Variants in SPAG16 observed in about 807,000 individuals in gnomAD.
The protein encoded by SPAG16 is sperm associated antigen 16.
Under a neutral mutation model 80.4 loss-of-function variants are expected in SPAG16, and 86 were observed. The observed-to-expected ratio is 1.07, with a 90% CI of 0.90 to 1.28. SPAG16 has a LOEUF of 1.28. Among genes scored for constraint, SPAG16 ranks in the 50% most tolerant of loss-of-function variants. The pLI, the probability that SPAG16 is intolerant of heterozygous loss-of-function variation, is 0.00. For synonymous variants in SPAG16, 294 were observed against 265.9 expected (o/e 1.11, Z -1.03); for missense variants, 870 against 765.3 (o/e 1.14, Z -1.61).
chr2:213,401,902 G>A (rs1353590530), intron 9 of SPAG16, among the ~76,000 whole-genome samples: 1 of 151,956 alleles, frequency 6.6e-6, no homozygotes, highest in African/African-American at 2.4e-5. Flanking sequence ...GCATGCACAT[G>A]TAATACAATC....
chr2:213,767,409 T>C (rs924867203), intron 10 of SPAG16, among the ~76,000 whole-genome samples: 2 of 152,154 alleles, frequency 1.3e-5, no homozygotes, highest in East Asian at 3.9e-4. Context: ...GGCTCACACC[T>C]GTAATCCTAG....
intron 13 of SPAG16, among the ~76,000 whole-genome samples, chr2:214,049,750 G>A (rs1279530989): frequency 6.6e-6 from 1 of 152,162 alleles, no homozygotes; most frequent in Non-Finnish European, 1.5e-5. Flanking sequence ...CAGCCCTGGG[G>A]ACTCCTGTGA....
In SPAG16 at chr2:213,829,210, G is replaced by A. The variant is rs576289911; in HGVS notation, c.1071-33275G>A. 1.8e-4 allele frequency among the ~76,000 whole-genome samples: 27 copies of A among 152,204 alleles called. 2 individuals are homozygous for A. Among genetic ancestry groups the A allele is most frequent in the African/African-American group, 4.8e-4 (20 of 41,540 alleles). Reference sequence around the variant, plus strand: ...AAACCTTAGAAATTTCCCTGAAACCGTAAGACAAAGTTCTTCCCACTTTTT... The same window carrying A: ...AAACCTTAGAAATTTCCCTGAAACCATAAGACAAAGTTCTTCCCACTTTTT... On this transcript the variant is annotated intron_variant, in intron 10 of 15. Coordinates refer to ENST00000331683, the MANE Select transcript of SPAG16 (RefSeq NM_024532.5).
intron 10 of SPAG16, among the ~76,000 whole-genome samples, chr2:213,509,607 C>T (rs2075137616): frequency 6.6e-6 from 1 of 152,090 alleles, no homozygotes; most frequent in Non-Finnish European, 1.5e-5. Flanking sequence ...TAAAGATGTT[C>T]TTTGAAACCA....
chr2:214,288,074 C>A (rs865862298), intron 15 of SPAG16, among the ~76,000 whole-genome samples: 1 of 152,088 alleles, frequency 6.6e-6, no homozygotes, highest in Non-Finnish European at 1.5e-5. Flanking sequence ...TACCGCCCCC[C>A]CCAATCCCAC....
intron 10 of SPAG16, among the ~76,000 whole-genome samples, chr2:213,514,725 C>T (rs918602961): frequency 6.7e-6 from 1 of 149,596 alleles, no homozygotes; most frequent in Admixed American, 6.8e-5. Flanking sequence ...TTTTAAAATT[C>T]TCAGAAATCT....
At chr2:213,428,025 G>T (rs545865102) in intron 9 of SPAG16, among the ~76,000 whole-genome samples, 2 of 152,186 alleles carry the variant, frequency 1.3e-5, no homozygotes, top group African/African-American at 2.4e-5. Flanking sequence ...TAATATAGAA[G>T]ATGGCAGAGT....
chr2:214,384,422 C>T (rs1035121479), intron 15 of SPAG16, among the ~76,000 whole-genome samples: 2 of 152,142 alleles, frequency 1.3e-5, no homozygotes, highest in Admixed American at 6.5e-5. Context: ...GAATGTACTA[C>T]CAATAATACC....
intron 10 of SPAG16, among the ~76,000 whole-genome samples, chr2:213,615,944 C>T (rs916244436): frequency 2.6e-5 from 4 of 151,960 alleles, no homozygotes; most frequent in African/African-American, 7.3e-5. Context: ...CTAATGTATG[C>T]GAGGCTTAAA....
chr2:213,556,456 A>G (rs932244310), intron 10 of SPAG16, among the ~76,000 whole-genome samples: 4 of 152,102 alleles, frequency 2.6e-5, no homozygotes, highest in African/African-American at 9.6e-5. Context: ...AGCTAAACTT[A>G]TATCAGATAC....
intron 15 of SPAG16, among the ~76,000 whole-genome samples, chr2:214,228,166 C>A (rs916835015): frequency 1.3e-5 from 2 of 151,902 alleles, no homozygotes; most frequent in Admixed American, 1.3e-4. Flanking sequence ...TGATTCAATC[C>A]TACTTTCCTT....
chr2:213,952,060 G>T (rs2079812540), intron 12 of SPAG16, among the ~76,000 whole-genome samples: 1 of 152,188 alleles, frequency 6.6e-6, no homozygotes, highest in South Asian at 2.1e-4. Flanking sequence ...GACAATCACT[G>T]AGGGATGATC....
At chr2:214,259,977 A>G (rs555996595) in intron 15 of SPAG16, among the ~76,000 whole-genome samples, 1 of 152,310 alleles carries the variant, frequency 6.6e-6, no homozygotes, top group East Asian at 1.9e-4. Flanking sequence ...TACTAAGATT[A>G]TGTAATTTTT....
intron 9 of SPAG16, among the ~76,000 whole-genome samples, chr2:213,488,297 A>T (rs1156393206): frequency 6.6e-6 from 1 of 152,198 alleles, no homozygotes; most frequent in Admixed American, 6.5e-5. Context: ...TAAATTGCAC[A>T]CAGTACTACA....
At chr2:213,574,352 T>C (rs981462287) in intron 10 of SPAG16, among the ~76,000 whole-genome samples, 3 of 152,060 alleles carry the variant, frequency 2.0e-5, no homozygotes, top group African/African-American at 7.2e-5. Context: ...TTATAGGAAA[T>C]TAAGGAGTAG....
intron 9 of SPAG16, among the ~76,000 whole-genome samples, chr2:213,377,602 ATGG>A (rs1172519720): frequency 6.6e-6 from 1 of 152,128 alleles, no homozygotes; most frequent in African/African-American, 2.4e-5. Flanking sequence ...AGGGGTTGTA[ATGG>A]TGGTGGTGTG....
intron 10 of SPAG16, among the ~76,000 whole-genome samples, chr2:213,849,473 TA>T (rs895110664): frequency 1.3e-5 from 2 of 152,276 alleles, no homozygotes; most frequent in East Asian, 1.9e-4. Flanking sequence ...ACTTCAATGA[TA>T]AAAAAATTAA....
chr2:213,700,633 G>A (rs1046595434), intron 10 of SPAG16, among the ~76,000 whole-genome samples: 2 of 152,072 alleles, frequency 1.3e-5, no homozygotes, highest in African/African-American at 4.8e-5. Flanking sequence ...TCACTTTGCA[G>A]AAATGATTTT....
At chr2:213,942,557 C>T (rs2079254293) in intron 12 of SPAG16, among the ~76,000 whole-genome samples, 1 of 152,110 alleles carries the variant, frequency 6.6e-6, no homozygotes, top group African/African-American at 2.4e-5. Flanking sequence ...TTACCTGGAG[C>T]TGGGTAGTCT....
Sources: allele counts gnomAD v4.1 joint callset (sites outside exome capture counted in the v4.1 genomes callset), GRCh38; gene constraint gnomAD v4.1.1; transcripts MANE v1.5; gene names NCBI Gene and HGNC (gene_info 2026-07-23, HGNC 2026-07-21).